Variants in BMAL2 observed in about 807,000 individuals in gnomAD.
BMAL2 encodes basic helix-loop-helix ARNT-like protein 2.
At chr12:27,407,624 G>T in the BMAL2 span, among the ~76,000 whole-genome samples, 2 of 152,008 alleles carry the variant, frequency 1.3e-5, no homozygotes, top group East Asian at 3.9e-4. Flanking sequence ...AGCACTAAAT[G>T]CCCACAAGAG....
At chr12:27,367,487 A>G in the BMAL2 span, among the ~76,000 whole-genome samples, 1 of 152,218 alleles carries the variant, frequency 6.6e-6, no homozygotes, top group African/African-American at 2.4e-5. Flanking sequence ...AATTACCTTA[A>G]TGATAACTAT....
At chr12:27,373,433 A>G in the BMAL2 span, among the ~76,000 whole-genome samples, 1 of 152,208 alleles carries the variant, frequency 6.6e-6, no homozygotes, top group Non-Finnish European at 1.5e-5. Context: ...CTCAGGGTAG[A>G]GGCCTGGCCT....
the BMAL2 span, chr12:27,402,720 T>C: frequency 1.3e-6 from 2 of 1,516,578 alleles, no homozygotes; most frequent in South Asian, 1.2e-5. Context: ...TACTAAGACA[T>C]ATTATTAAGA....
the BMAL2 span, among the ~76,000 whole-genome samples, chr12:27,394,784 T>G: frequency 2.7e-3 from 418 of 152,338 alleles, 7 homozygotes; most frequent in African/African-American, 9.7e-3. Flanking sequence ...TAGGTTTGGA[T>G]GAGGTCATGA....
the BMAL2 span, among the ~76,000 whole-genome samples, chr12:27,401,899 T>C: frequency 6.6e-6 from 1 of 152,212 alleles, no homozygotes; most frequent in South Asian, 2.1e-4. Flanking sequence ...CTTGATATAA[T>C]ATGTGAGGGT....
chr12:27,389,025 T>G, the BMAL2 span, among the ~76,000 whole-genome samples: 2 of 152,236 alleles, frequency 1.3e-5, no homozygotes, highest in Non-Finnish European at 2.9e-5. Context: ...TCACCCTGCT[T>G]TGAACATTAA....
the BMAL2 span, chr12:27,418,255 A>G: frequency 2.6e-6 from 3 of 1,155,558 alleles, no homozygotes; most frequent in East Asian, 5.0e-5. Context: ...CCTCTTAATC[A>G]CTATGTTTTC....
chr12:27,380,098 C>G, the BMAL2 span: 1 of 697,294 alleles, frequency 1.4e-6, no homozygotes, highest in East Asian at 2.7e-5. Context: ...CAGCGCTTTC[C>G]TCTTCCCTCA....
the BMAL2 span, among the ~76,000 whole-genome samples, chr12:27,336,947 C>CAAAAAAA: frequency 1.4e-5 from 1 of 73,822 alleles, no homozygotes; most frequent in Non-Finnish European, 2.7e-5. Flanking sequence ...GAGACTGTCT[C>CAAAAAAA]AAAAAAAAAA....
the BMAL2 span, among the ~76,000 whole-genome samples, chr12:27,410,596 G>A: frequency 6.6e-6 from 1 of 152,110 alleles, no homozygotes; most frequent in Non-Finnish European, 1.5e-5. Flanking sequence ...GGCCTGTTGT[G>A]GGGTAGGGGA....
At chr12:27,408,905 A>G in the BMAL2 span, among the ~76,000 whole-genome samples, 1 of 152,244 alleles carries the variant, frequency 6.6e-6, no homozygotes, top group Non-Finnish European at 1.5e-5. Context: ...GTCTCAGGAT[A>G]CAAAATCAAT....
At chr12:27,408,881 G>A in the BMAL2 span, among the ~76,000 whole-genome samples, 2 of 152,282 alleles carry the variant, frequency 1.3e-5, no homozygotes, top group Admixed American at 6.5e-5. Flanking sequence ...AAGCTGATAA[G>A]CAACTTCAGC....
chr12:27,400,691 G>A, the BMAL2 span: 4 of 1,613,822 alleles, frequency 2.5e-6, no homozygotes, highest in East Asian at 6.7e-5. Flanking sequence ...TTGTTCCACA[G>A]AACAGTGGAG....
chr12:27,370,088 A>C, the BMAL2 span: 2 of 1,449,200 alleles, frequency 1.4e-6, no homozygotes, highest in Non-Finnish European at 1.9e-6. Flanking sequence ...CATTCCCAGA[A>C]CATCTGGGTA....
chr12:27,368,332 A>T, the BMAL2 span: 1 of 1,614,172 alleles, frequency 6.2e-7, no homozygotes, highest in Middle Eastern at 1.7e-4. Flanking sequence ...CAGGGACAAG[A>T]CCAACAGCTA....
the BMAL2 span, chr12:27,333,233 C>A: frequency 1.1e-6 from 1 of 870,394 alleles, no homozygotes; most frequent in Non-Finnish European, 1.3e-6. Flanking sequence ...CCTCTCGGGC[C>A]GGAGCATCGC....
At chr12:27,368,180 A>T in the BMAL2 span, 1 of 1,498,514 alleles carries the variant, frequency 6.7e-7, no homozygotes, top group Non-Finnish European at 9.0e-7. Flanking sequence ...TAGAAAAGTC[A>T]TTTAAAATGT....
At chr12:27,353,802 A>C in the BMAL2 span, among the ~76,000 whole-genome samples, 1 of 152,250 alleles carries the variant, frequency 6.6e-6, no homozygotes, top group Non-Finnish European at 1.5e-5. Flanking sequence ...ACATGCAGCC[A>C]ACAGACATGA....
the BMAL2 span, among the ~76,000 whole-genome samples, chr12:27,384,203 G>T: frequency 2.0e-5 from 3 of 152,116 alleles, no homozygotes; most frequent in African/African-American, 7.2e-5. Context: ...GCCATGAAGG[G>T]CTTTGCGAAT....
Sources: allele counts gnomAD v4.1 joint callset (sites outside exome capture counted in the v4.1 genomes callset), GRCh38; gene constraint gnomAD v4.1.1; transcripts MANE v1.5; gene names NCBI Gene and HGNC (gene_info 2026-07-23, HGNC 2026-07-21).